GGT7: variants seen among roughly 807,000 people sequenced by gnomAD.
The protein encoded by GGT7 is glutathione hydrolase 7.
In GGT7, 30 loss-of-function variants were observed where a neutral mutation model predicts 69.2. That is an observed-to-expected ratio of 0.43 (90% CI 0.32 to 0.59). The LOEUF (loss-of-function observed/expected upper bound fraction) is 0.59, where lower values mean the gene tolerates loss of function less well. GGT7 is among the 20% of genes least tolerant of loss of function. The pLI, the probability that GGT7 is intolerant of heterozygous loss-of-function variation, is 0.05. For synonymous variants in GGT7, 388 were observed against 391.8 expected, an observed-to-expected ratio of 0.99 and a Z score of 0.12; for missense variants, 733 against 901.1, an observed-to-expected ratio of 0.81 and a Z score of 2.39.
chr20:34,858,920 C>T (rs989237807), intron 7 of GGT7, among the ~76,000 whole-genome samples: 2 of 152,200 alleles, frequency 1.3e-5, no homozygotes, highest in African/African-American at 4.8e-5. Context: ...CCTGTAATCC[C>T]AGCACTTTGG....
intron 14 of GGT7, 88 bp from the exon 15 acceptor site, chr20:34,845,579 G>A: frequency 8.8e-7 from 1 of 1,131,402 alleles, no homozygotes; most frequent in Non-Finnish European, 1.3e-6. Flanking sequence ...CCTCATCCTG[G>A]CTGCTCCACC....
chr20:34,859,461 T>C lies in GGT7; in HGVS notation c.996A>G (p.Thr332=). The change falls in exon 7 of 15, where the codon ACA becomes ACG. Residue 332 remains threonine, a synonymous_variant. Coordinates refer to ENST00000336431, the MANE Select transcript of GGT7 (RefSeq NM_178026.3). ...PAAFYAGGNL[T]LEMVAEAQHA... is the part of the protein sequence containing the mutation. ...CACTTACCTCGGCCACCATCTCCAG[T>C]GTGAGGTTGCCACCTGCGTAGAAGG... The C allele has an allele frequency of 6.3e-7, 1 of 1,590,946 alleles. No individual in the cohort carries two copies. The highest frequency in any genetic ancestry group is 8.6e-7 in the Non-Finnish European group (1 of 1,162,878).
intron 7 of GGT7, among the ~76,000 whole-genome samples, chr20:34,857,304 G>C (rs1274031112): frequency 6.6e-6 from 1 of 152,120 alleles, no homozygotes. Flanking sequence ...CTATGTAAAA[G>C]GAAGGTTTTC....
chr20:34,851,570 G>A (rs999463547), intron 12 of GGT7, among the ~76,000 whole-genome samples: 1 of 152,140 alleles, frequency 6.6e-6, no homozygotes, highest in Admixed American at 6.6e-5. Context: ...GTGGATGGGG[G>A]AGTGATAAGT....
At chr20:34,855,498 G>C (rs1170496112) in intron 8 of GGT7, among the ~76,000 whole-genome samples, 1 of 152,220 alleles carries the variant, frequency 6.6e-6, no homozygotes, top group Non-Finnish European at 1.5e-5. Flanking sequence ...GTGGTACAGA[G>C]AGACAAGGGG....
At chr20:34,861,998 G>A (rs1032608825) in intron 3 of GGT7, among the ~76,000 whole-genome samples, 1 of 152,182 alleles carries the variant, frequency 6.6e-6, no homozygotes, top group Non-Finnish European at 1.5e-5. Flanking sequence ...CTTTGGTACG[G>A]CTTGGAGAGC....
chr20:34,860,376 T>C, intron 4 of GGT7, 55 bp from the exon 5 acceptor site: 1 of 1,368,250 alleles, frequency 7.3e-7, no homozygotes, highest in African/African-American at 1.5e-5. Flanking sequence ...GGAAGGGGGG[T>C]GCTGGGCTGA....
In GGT7 at chr20:34,872,737, A is replaced by G. The variant is rs1452585918; in HGVS notation, c.79T>C (p.Phe27Leu). Reference sequence around the variant, plus strand: ...GGCTCGTCCTCGGGCAGCCGCGGGAAGCTGGTGATGCTCATGTAGTCCACT... The same window carrying G: ...GGCTCGTCCTCGGGCAGCCGCGGGAGGCTGGTGATGCTCATGTAGTCCACT... ...SPVDYMSITS[F>L]PRLPEDEPAP... The change falls in exon 1 of 15, where the codon TTC becomes CTC. Residue 27 changes from phenylalanine to leucine, a missense_variant. Coordinates refer to ENST00000336431, the MANE Select transcript of GGT7 (RefSeq NM_178026.3). The G allele has an allele frequency of 5.3e-6, 8 of 1,501,644 alleles. No individual in the cohort carries two copies. Among genetic ancestry groups the G allele is most frequent in the Admixed American group, 2.4e-5 (1 of 41,156 alleles). 93.0% of individuals were successfully genotyped at this position (1,501,644 alleles called of 1,614,324 possible). A position where few individuals can be genotyped will look rare whatever the true frequency, so the allele number is the denominator to read the frequency against.
chr20:34,858,908 CA>C (rs1445107590), intron 7 of GGT7, among the ~76,000 whole-genome samples: 1 of 152,206 alleles, frequency 6.6e-6, no homozygotes, highest in Admixed American at 6.5e-5. Flanking sequence ...TGGGGGCTCA[CA>C]CCTGTAATCC....
At chr20:34,850,265 G>A (rs1239955188) in intron 13 of GGT7, 5 of 752,858 alleles carry the variant, frequency 6.6e-6, no homozygotes, top group Non-Finnish European at 1.2e-5. Flanking sequence ...GTCCAGCAAG[G>A]AAAATGACTT....
At position 34,856,882 on chromosome 20, in the gene GGT7, T is replaced by G. The variant is rs199796953; in HGVS notation, c.1026A>C (p.Ala342=). The change falls in exon 8 of 15, where the codon GCA becomes GCC. Residue 342 remains alanine, a synonymous_variant. Transcript: ENST00000336431. ...AGTCCTCTTCGGTTATGACACCCCCTGCGTGCTGAGCCTGGAGGGAAGAGA... is the reference window on the plus strand; with the variant it reads ...AGTCCTCTTCGGTTATGACACCCCCGGCGTGCTGAGCCTGGAGGGAAGAGA... ...TLEMVAEAQH[A]GGVITEEDFS... 1 of 1,607,240 alleles carries G rather than the reference T, an allele frequency of 6.2e-7. No homozygotes were observed. Among genetic ancestry groups the G allele is most frequent in the South Asian group, 1.1e-5 (1 of 90,784 alleles).
At position 34,872,783 on chromosome 20, in the gene GGT7, GCT is replaced by G; in HGVS notation, c.31_32del (p.Ser11ArgfsTer148). The G allele has an allele frequency of 7.2e-7, 1 of 1,397,066 alleles. No homozygotes were observed. The highest frequency in any genetic ancestry group is 9.4e-7 in the Non-Finnish European group (1 of 1,069,072). 86.5% of individuals were successfully genotyped at this position (1,397,066 alleles called of 1,614,324 possible). A position where few individuals can be genotyped will look rare whatever the true frequency, so the allele number is the denominator to read the frequency against. ...CCACTGGCGAGTAGGCGCCCAGGGC[GCT>G]CTCCTGGCTGGCCTCGTTCTCCGCC... MAAENEASQE[S>X]ALGAYSPVDY... is the part of the protein sequence containing the mutation. On this transcript the variant is annotated frameshift_variant, in exon 1 of 15. Transcript: ENST00000336431. LOFTEE classifies it high-confidence loss of function.
rs375590480 is a variant in GGT7, at chr20:34,859,564, G to C, written c.893C>G (p.Pro298Arg). 6.2e-6 allele frequency: 10 copies of C among 1,604,594 alleles called. No homozygotes were observed. Among genetic ancestry groups the C allele is most frequent in the Non-Finnish European group, 8.5e-6 (10 of 1,175,910 alleles). ...FRETFLPSGR[P>R]PLPGSLLHRP... ...ATGCAGCAACGAGCCAGGTAGTGGC[G>C]GGCGGCCCGATGGCAGGAACGTCTC... The change falls in exon 7 of 15, where the codon CCG becomes CGG. Residue 298 changes from proline (P) to arginine (R), a missense_variant. Transcript: ENST00000336431.
chr20:34,853,266 A>G (rs2079428283), intron 10 of GGT7, among the ~76,000 whole-genome samples: 1 of 151,904 alleles, frequency 6.6e-6, no homozygotes, highest in African/African-American at 2.4e-5. Context: ...TTTCTTTTAG[A>G]GTTTTTTCCC....
intron 7 of GGT7, among the ~76,000 whole-genome samples, chr20:34,857,575 G>C (rs1194772202): frequency 6.6e-6 from 1 of 150,420 alleles, no homozygotes. Flanking sequence ...TATAGTACTT[G>C]AAACCCTTGA....
intron 7 of GGT7, among the ~76,000 whole-genome samples, chr20:34,859,099 G>C (rs2079540161): frequency 6.6e-6 from 1 of 151,906 alleles, no homozygotes; most frequent in Non-Finnish European, 1.5e-5. Context: ...GAACCTGGGA[G>C]GCGGAGGTTG....
At chr20:34,846,533 C>T (rs1368122171) in intron 14 of GGT7, among the ~76,000 whole-genome samples, 1 of 151,698 alleles carries the variant, frequency 6.6e-6, no homozygotes, top group East Asian at 1.9e-4. Flanking sequence ...TGGTCTCGAA[C>T]TCCTGACCTC....
In GGT7 at chr20:34,860,334, G is replaced by A; in HGVS notation, c.676-13C>T. 6.2e-7 allele frequency: 1 copy of A among 1,609,496 alleles called. No homozygotes were observed. Among genetic ancestry groups the A allele is most frequent in the East Asian group, 2.2e-5 (1 of 44,838 alleles). On this transcript the variant is annotated splice_polypyrimidine_tract_variant and intron_variant, in intron 4 of 14. Transcript: ENST00000336431. The stretch of plus-strand genomic sequence containing the variant: ...CCAAGAGCCCAGGCTGGGCAAGGCG[G>A]GTAGGCGAGGGAGAGAGGAGACCAG...
Position 34,852,466 on chromosome 20 carries a change from G to A in GGT7, c.1392C>T (p.Val464=), listed in dbSNP as rs918569895. 4 of 1,612,776 alleles carry A rather than the reference G, an allele frequency of 2.5e-6. No individual in the cohort carries two copies. In the African/African-American group the frequency reaches 4.0e-5, roughly 16 times the overall value. The change falls in exon 11 of 15, where the codon GTC becomes GTT. Residue 464 remains valine, a synonymous_variant. Coordinates refer to ENST00000336431, the MANE Select transcript of GGT7 (RefSeq NM_178026.3). The part of the protein sequence containing the change: ...SQAAPAPLLP[V]YELDGAPTAA... ...CCGTGGGAGCTCCGTCTAGTTCATA[G>A]ACAGGCAGGAGTGGGGCAGGGGCTG...
Sources: allele counts gnomAD v4.1 joint callset (sites outside exome capture counted in the v4.1 genomes callset), GRCh38; gene constraint gnomAD v4.1.1; transcripts MANE v1.5; gene names NCBI Gene and HGNC (gene_info 2026-07-23, HGNC 2026-07-21).